The following COL4A4 variants were observed in gnomAD, a reference collection of about 807,000 sequenced individuals.
COL4A4 encodes the protein collagen alpha-4(IV) chain.
A neutral mutation model predicts 192.9 loss-of-function variants in COL4A4; 105 were observed. The observed-to-expected ratio is 0.54, with a 90% CI of 0.46 to 0.64. COL4A4 has a LOEUF of 0.64. Among genes scored for constraint, COL4A4 ranks in the 30% least tolerant of loss-of-function variants. The pLI is 0.00. For missense variants in COL4A4, 1,967 were observed against 2,169.3 expected, an observed-to-expected ratio of 0.91 and a Z score of 1.85; for synonymous variants, 762 against 769.9, an observed-to-expected ratio of 0.99 and a Z score of 0.17.
At chr2:227,042,328 G>C in intron 36 of COL4A4, 73 bp from the exon 37 acceptor site, 1 of 843,894 alleles carries the variant, frequency 1.2e-6, no homozygotes, top group Non-Finnish European at 2.0e-6. Context: ...AGTCATCTAT[G>C]TTCTTAATAT....
intron 45 of COL4A4, among the ~76,000 whole-genome samples, chr2:227,010,740 C>T (rs1279780418): frequency 1.3e-5 from 2 of 152,052 alleles, no homozygotes; most frequent in African/African-American, 4.8e-5. Flanking sequence ...AGCATAAAGA[C>T]AAAAAACAGA....
chr2:227,008,373 C>G, intron 46 of COL4A4, 69 bp from the exon 47 acceptor site: 1 of 1,539,122 alleles, frequency 6.5e-7, no homozygotes, highest in Non-Finnish European at 9.0e-7. Context: ...CCCTTCCTTC[C>G]TCCATCTGGC....
intron 22 of COL4A4, among the ~76,000 whole-genome samples, chr2:227,085,324 A>G (rs1224101342): frequency 6.6e-6 from 1 of 152,066 alleles, no homozygotes; most frequent in African/African-American, 2.4e-5. Flanking sequence ...GAACGCAATA[A>G]CCTTGTGTTC....
the COL4A4 span, among the ~76,000 whole-genome samples, chr2:226,980,299 GCC>G: frequency 6.6e-6 from 1 of 152,112 alleles, no homozygotes; most frequent in African/African-American, 2.4e-5. Flanking sequence ...CAGAACCCAT[GCC>G]CTACTCTCGT....
At chr2:227,011,859 G>T (rs980528931) in intron 45 of COL4A4, among the ~76,000 whole-genome samples, 1 of 152,174 alleles carries the variant, frequency 6.6e-6, no homozygotes, top group East Asian at 1.9e-4. Flanking sequence ...ACAGCCACCA[G>T]GCTGACCGTC....
In COL4A4 at chr2:227,140,250, A is replaced by G. The variant is rs1358207277; in HGVS notation, c.115-12T>C. 1 of 1,611,896 alleles carries G rather than the reference A, an allele frequency of 6.2e-7. No individual in the cohort carries two copies. The highest frequency in any genetic ancestry group is 8.5e-7 in the Non-Finnish European group (1 of 1,177,974). On this transcript the variant is annotated splice_polypyrimidine_tract_variant and intron_variant, in intron 3 of 47. Coordinates refer to ENST00000396625, the MANE Select transcript of COL4A4 (RefSeq NM_000092.5). The stretch of plus-strand genomic sequence containing the variant: ...TATTTCTTTCCACTCTGGAAAGTGA[A>G]GCATCTTATTTAGTATACCAGTACT...
At position 227,041,848 on chromosome 2, in the gene COL4A4, G is replaced by GAAAGAGAGAGAGAGAGAGAGAGAA. The variant is rs1243663359; in HGVS notation, c.3505+299_3505+300insTTCTCTCTCTCTCTCTCTCTCTTT. Among the ~76,000 whole-genome samples the GAAAGAGAGAGAGAGAGAGAGAGAA allele has an allele frequency of 4.4e-4, 17 of 38,732 alleles. 1 individual carries two copies. The highest frequency in any genetic ancestry group is 1.9e-3 in the South Asian group (2 of 1,064). 25.4% of individuals were successfully genotyped at this position (38,732 alleles called of 152,430 possible). The stretch of plus-strand genomic sequence containing the variant: ...AGAAAGAAAGAAAGAAAGAAAGAAA[G>GAAAGAGAGAGAGAGAGAGAGAGAA]AGAAAGAAAGAAAGAAAGAAAGAAA... On this transcript the variant is annotated intron_variant, in intron 37 of 47. Coordinates refer to ENST00000396625, the MANE Select transcript of COL4A4 (RefSeq NM_000092.5).
rs1272206294 is a variant in COL4A4, at chr2:227,031,861, C to T, written c.3817+84G>A. The T allele has an allele frequency of 4.0e-6, 4 of 1,004,112 alleles. No individual in the cohort carries two copies. In the African/African-American group the frequency reaches 6.4e-5, roughly 16 times the overall value. 62.2% of individuals were successfully genotyped at this position (1,004,112 alleles called of 1,614,324 possible). Reference sequence around the variant, plus strand: ...GGGCTGCTTCAGTGCTTCTATTCTGCCACTCTCTGGTCCCACATTCCTCCA... The same window carrying T: ...GGGCTGCTTCAGTGCTTCTATTCTGTCACTCTCTGGTCCCACATTCCTCCA... On this transcript the variant is annotated intron_variant, in intron 40 of 47. Transcript: ENST00000396625.
intron 1 of COL4A4, among the ~76,000 whole-genome samples, chr2:227,148,840 CTTTTTTT>C (rs567170955): frequency 7.2e-6 from 1 of 139,340 alleles, no homozygotes; most frequent in Non-Finnish European, 1.6e-5. Context: ...ATGTTACCAA[CTTTTTTT>C]TTTTTTTTTC....
chr2:226,991,134 G>A, the COL4A4 span, among the ~76,000 whole-genome samples: 1 of 152,318 alleles, frequency 6.6e-6, no homozygotes, highest in Admixed American at 6.5e-5. Flanking sequence ...CAAAGGGTTT[G>A]CAAACAGAAT....
chr2:227,130,734 G>A (rs574724646), intron 4 of COL4A4, among the ~76,000 whole-genome samples: 10 of 152,164 alleles, frequency 6.6e-5, no homozygotes, highest in South Asian at 6.2e-4. Context: ...GACCACAAGC[G>A]CTGCAAGTCC....
intron 30 of COL4A4, among the ~76,000 whole-genome samples, chr2:227,055,398 G>A (rs1413280390): frequency 6.6e-6 from 1 of 151,908 alleles, no homozygotes; most frequent in African/African-American, 2.4e-5. Flanking sequence ...AGGAGGCTGA[G>A]GTAGGAGGAT....
chr2:227,125,507 C>T (rs1198891800), intron 4 of COL4A4, among the ~76,000 whole-genome samples: 1 of 151,904 alleles, frequency 6.6e-6, no homozygotes, highest in Non-Finnish European at 1.5e-5. Context: ...CTGCACCCTG[C>T]CCATATAAAA....
At chr2:227,101,692 G>A in intron 16 of COL4A4, 135 bp from the exon 17 acceptor site, 1 of 1,095,806 alleles carries the variant, frequency 9.1e-7, no homozygotes, top group South Asian at 1.4e-5. Context: ...AGTTGCATCA[G>A]ACAATCTTGT....
Position 227,109,207 on chromosome 2 carries a change from A to G in COL4A4, c.657+17T>C. The G allele has an allele frequency of 6.2e-7, 1 of 1,610,268 alleles. No individual in the cohort carries two copies. The highest frequency in any genetic ancestry group is 8.5e-7 in the Non-Finnish European group (1 of 1,176,418). On this transcript the variant is annotated intron_variant, in intron 10 of 47. Coordinates refer to ENST00000396625, the MANE Select transcript of COL4A4 (RefSeq NM_000092.5). ...ATCTGGTTTTTAAAGGGATCACATC[A>G]GCAGTGCTGTACTTACCACTAACCC... is the stretch of plus-strand genomic sequence containing the variant.
At chr2:227,114,022 A>G (rs1190272416) in intron 8 of COL4A4, among the ~76,000 whole-genome samples, 1 of 152,180 alleles carries the variant, frequency 6.6e-6, no homozygotes, top group Non-Finnish European at 1.5e-5. Flanking sequence ...GAACATTTGG[A>G]CATCACTCCC....
rs775187787 is a variant in COL4A4 at position 227,060,120 on chromosome 2, A to AAAAAC, written c.2164+15_2164+16insGTTTT. Reference sequence around the variant, plus strand: ...AAAGCAGAAAAAAAAAAAAAAAAAAAAAAAACCTCACTGACCAGGTGGACC... The same window carrying AAAAAC: ...AAAGCAGAAAAAAAAAAAAAAAAAAAAAAACAAAAACCTCACTGACCAGGTGGACC... On this transcript the variant is annotated intron_variant, in intron 27 of 47. Coordinates refer to ENST00000396625, the MANE Select transcript of COL4A4 (RefSeq NM_000092.5). 4.1e-4 allele frequency: 579 copies of AAAAAC among 1,403,608 alleles called. 2 individuals are homozygous for AAAAAC. The highest frequency in any genetic ancestry group is 8.3e-4 in the Admixed American group (41 of 49,110). 86.9% of individuals were successfully genotyped at this position (1,403,608 alleles called of 1,614,324 possible).
At chr2:227,036,340 C>T (rs897877329) in intron 37 of COL4A4, among the ~76,000 whole-genome samples, 9 of 152,204 alleles carry the variant, frequency 5.9e-5, no homozygotes, top group African/African-American at 2.2e-4. Context: ...TTACTCGACA[C>T]ACCCAAGAGC....
At chr2:227,152,743 A>C (rs1027854446) in intron 1 of COL4A4, among the ~76,000 whole-genome samples, 1 of 152,194 alleles carries the variant, frequency 6.6e-6, no homozygotes, top group African/African-American at 2.4e-5. Context: ...ATTTTGTTTC[A>C]ACAAAGCTTT....
Sources: allele counts gnomAD v4.1 joint callset (sites outside exome capture counted in the v4.1 genomes callset), GRCh38; gene constraint gnomAD v4.1.1; transcripts MANE v1.5; gene names NCBI Gene and HGNC (gene_info 2026-07-23, HGNC 2026-07-21).